SLC24A2: variants seen among roughly 807,000 people sequenced by gnomAD.
SLC24A2 encodes the protein sodium/potassium/calcium exchanger 2.
In SLC24A2, 36 loss-of-function variants were observed where a neutral mutation model predicts 62.0. The ratio of observed to expected loss-of-function variants is 0.58; its 90% CI spans 0.44 to 0.77. The LOEUF (loss-of-function observed/expected upper bound fraction) is 0.77. Ranked by LOEUF, SLC24A2 falls within the 30% of genes least tolerant of loss-of-function variation. The probability of loss-of-function intolerance (pLI) is 0.00; values close to 1 mark genes in which losing one functional copy is unlikely to be tolerated. For synonymous variants in SLC24A2, 358 were observed against 294.0 expected, an observed-to-expected ratio of 1.22 and a Z score of -2.23; for missense variants, 846 against 817.9, an observed-to-expected ratio of 1.03 and a Z score of -0.42.
the SLC24A2 span, among the ~76,000 whole-genome samples, chr9:20,106,681 T>C: frequency 6.6e-6 from 1 of 152,064 alleles, no homozygotes; most frequent in East Asian, 1.9e-4. Context: ...ATAAATTAGG[T>C]ATTGATGGGA....
At chr9:20,231,982 A>T in the SLC24A2 span, among the ~76,000 whole-genome samples, 30 of 152,124 alleles carry the variant, frequency 2.0e-4, no homozygotes, top group African/African-American at 6.8e-4. Flanking sequence ...TTCTGCATCT[A>T]TTGAGATAAT....
the SLC24A2 span, among the ~76,000 whole-genome samples, chr9:20,118,703 C>A: frequency 6.6e-6 from 1 of 151,932 alleles, no homozygotes; most frequent in Non-Finnish European, 1.5e-5. Flanking sequence ...AAGTGACCTC[C>A]GTAACTCTAA....
At chr9:19,750,530 A>G (rs955598863) in intron 2 of SLC24A2, among the ~76,000 whole-genome samples, 1 of 152,106 alleles carries the variant, frequency 6.6e-6, no homozygotes, top group Non-Finnish European at 1.5e-5. Flanking sequence ...AGTTCAAGTC[A>G]TCATTGTCTC....
chr9:19,956,141 C>A, the SLC24A2 span, among the ~76,000 whole-genome samples: 1 of 152,330 alleles, frequency 6.6e-6, no homozygotes, highest in South Asian at 2.1e-4. Flanking sequence ...CCCTGCTACG[C>A]TCTACGTTTA....
intron 2 of SLC24A2, among the ~76,000 whole-genome samples, chr9:19,724,699 A>G (rs904639521): frequency 6.6e-6 from 1 of 152,228 alleles, no homozygotes; most frequent in African/African-American, 2.4e-5. Context: ...ATATACCCAC[A>G]TTATGAAGTT....
upstream of SLC24A2, among the ~76,000 whole-genome samples, chr9:19,789,121 G>A (rs1274231403): frequency 1.3e-5 from 2 of 151,238 alleles, no homozygotes; most frequent in Non-Finnish European, 1.5e-5. Flanking sequence ...CTGTGCGCTG[G>A]GAGCGGGGCC....
chr9:20,038,610 C>G, the SLC24A2 span, among the ~76,000 whole-genome samples: 2 of 122,210 alleles, frequency 1.6e-5, no homozygotes, highest in African/African-American at 6.3e-5. Flanking sequence ...TTTTTTTCAG[C>G]AGAGTCAGTA....
At chr9:19,558,046 TCCTG>T (rs1187612125) in intron 7 of SLC24A2, among the ~76,000 whole-genome samples, 1 of 152,168 alleles carries the variant, frequency 6.6e-6, no homozygotes, top group African/African-American at 2.4e-5. Flanking sequence ...CAAGTGATCC[TCCTG>T]CCTTGGCCTC....
the SLC24A2 span, chr9:19,926,084 C>T: frequency 2.6e-5 from 4 of 152,170 alleles, no homozygotes; most frequent in Non-Finnish European, 4.4e-5. Context: ...GTCTACTCTT[C>T]AGGCCATAAG....
At chr9:20,289,139 G>T in the SLC24A2 span, among the ~76,000 whole-genome samples, 1 of 152,098 alleles carries the variant, frequency 6.6e-6, no homozygotes, top group African/African-American at 2.4e-5. Flanking sequence ...CAAAACATAG[G>T]TCATCATTAG....
the SLC24A2 span, among the ~76,000 whole-genome samples, chr9:19,986,845 G>A: frequency 6.6e-6 from 1 of 152,142 alleles, no homozygotes; most frequent in Admixed American, 6.6e-5. Context: ...ATAATAATGT[G>A]TTGGAATTAG....
intron 2 of SLC24A2, among the ~76,000 whole-genome samples, chr9:19,640,946 A>C (rs1818476903): frequency 6.6e-6 from 1 of 152,226 alleles, no homozygotes; most frequent in African/African-American, 2.4e-5. Flanking sequence ...ATGGTAAGCT[A>C]ATGAAAGTTT....
the SLC24A2 span, among the ~76,000 whole-genome samples, chr9:20,106,788 C>A: frequency 6.6e-6 from 1 of 152,074 alleles, no homozygotes; most frequent in Non-Finnish European, 1.5e-5. Flanking sequence ...AAAACTGGCA[C>A]AAGACAGGGA....
intron 2 of SLC24A2, among the ~76,000 whole-genome samples, chr9:19,769,602 A>G (rs183414472): frequency 3.9e-5 from 6 of 152,264 alleles, no homozygotes; most frequent in African/African-American, 7.2e-5. Context: ...ATATTTTTCT[A>G]TGTTCTTATG....
In SLC24A2 at chr9:19,508,792, T is replaced by A. The variant is rs1184637020; in HGVS notation, c.*7361A>T. 2.7e-5 allele frequency: 2 copies of A among 74,340 alleles called. No homozygotes were observed. Among genetic ancestry groups the A allele is most frequent in the Admixed American group, 2.9e-4 (2 of 6,988 alleles). 4.6% of individuals were successfully genotyped at this position (74,340 alleles called of 1,614,324 possible). A position where few individuals can be genotyped will look rare whatever the true frequency, so the allele number is the denominator to read the frequency against. ...CTGGGTGACAGAGCAAGACCCTGTCTGTTAAAAAAAAAATTATATAAAAAT... is the reference window on the plus strand; with the variant it reads ...CTGGGTGACAGAGCAAGACCCTGTCAGTTAAAAAAAAAATTATATAAAAAT... On this transcript the variant is annotated 3_prime_UTR_variant, in exon 11 of 11. Transcript: ENST00000341998.
At chr9:20,056,358 G>A in the SLC24A2 span, among the ~76,000 whole-genome samples, 6 of 152,228 alleles carry the variant, frequency 3.9e-5, no homozygotes, top group Non-Finnish European at 8.8e-5. Context: ...TTGAGGAGAG[G>A]AAATCAAAGT....
chr9:19,740,064 C>T (rs929019757), intron 2 of SLC24A2, among the ~76,000 whole-genome samples: 12 of 152,100 alleles, frequency 7.9e-5, no homozygotes, highest in African/African-American at 2.9e-4. Context: ...GCTGACCAGA[C>T]CGGTCAAAAT....
chr9:19,800,580 T>C, the SLC24A2 span, among the ~76,000 whole-genome samples: 3 of 152,216 alleles, frequency 2.0e-5, no homozygotes, highest in African/African-American at 7.2e-5. Flanking sequence ...TTTGTCTTAT[T>C]GTTGATTTGG....
chr9:20,028,037 T>C, the SLC24A2 span, among the ~76,000 whole-genome samples: 3 of 152,174 alleles, frequency 2.0e-5, no homozygotes, highest in Non-Finnish European at 4.4e-5. Flanking sequence ...ATCCATGGTG[T>C]GCAGGGAAGC....
Sources: gnomAD v4.1 joint callset for allele counts (sites outside exome capture counted in the v4.1 genomes callset) on GRCh38, gnomAD v4.1.1 for gene constraint, MANE v1.5 for transcripts, NCBI Gene and HGNC (gene_info 2026-07-23, HGNC 2026-07-21) for gene names.